The following PIKFYVE variants were observed in gnomAD, a reference collection of about 807,000 sequenced individuals.
PIKFYVE encodes the protein 1-phosphatidylinositol 3-phosphate 5-kinase.
Under a neutral mutation model 257.9 loss-of-function variants are expected in PIKFYVE, and 122 were observed. That is an observed-to-expected ratio of 0.47 (90% CI 0.41 to 0.55). The LOEUF (loss-of-function observed/expected upper bound fraction) is 0.55, where lower values mean the gene tolerates loss of function less well. Among genes scored for constraint, PIKFYVE ranks in the 20% least tolerant of loss-of-function variants. PIKFYVE has a pLI of 0.00. For missense variants in PIKFYVE, 2,160 were observed against 2,536.6 expected (o/e 0.85, Z 3.19); for synonymous variants, 892 against 868.9 (o/e 1.03, Z -0.47).
At chr2:208,354,874 C>G (rs1481246849) in intron 41 of PIKFYVE, among the ~76,000 whole-genome samples, 1 of 152,124 alleles carries the variant, frequency 6.6e-6, no homozygotes, top group East Asian at 1.9e-4. Context: ...TTTTAAAAAG[C>G]CAGATGTTCT....
In PIKFYVE at chr2:208,298,752, C is replaced by T; in HGVS notation, c.1023C>T (p.Thr341=). Residue 341 remains threonine (T), a synonymous_variant, in exon 8 of 42, where the codon ACC becomes ACT. Coordinates refer to ENST00000264380, the MANE Select transcript of PIKFYVE (RefSeq NM_015040.4). ...ACCGAACATATGTTAGGACAGAGAC[C>T]ACTGAGGATGAACGCAAAATTCTTC... ...QANRTYVRTE[T]TEDERKILLD... The T allele has an allele frequency of 6.2e-7, 1 of 1,614,128 alleles. No individual in the cohort carries two copies. Among genetic ancestry groups the T allele is most frequent in the Non-Finnish European group, 8.5e-7 (1 of 1,179,994 alleles).
Position 208,355,345 on chromosome 2 carries a change from G to C in PIKFYVE, c.*40G>C, listed in dbSNP as rs906683259. 1.2e-5 allele frequency: 19 copies of C among 1,524,022 alleles called. No homozygotes were observed. The highest frequency in any genetic ancestry group is 2.7e-5 in the African/African-American group (2 of 72,998). The allele number at this position is 1,524,022 out of a possible 1,614,324, so 94.4% of individuals were successfully genotyped here. A position where few individuals can be genotyped will look rare whatever the true frequency, so the allele number is the denominator to read the frequency against. On this transcript the variant is annotated 3_prime_UTR_variant, in exon 42 of 42. Transcript: ENST00000264380. ...TTTGAAATGGACTGTGAAGGAAAAG[G>C]GGACAGGAACAAAGGACCAAAAATA...
chr2:208,285,689 C>G, intron 5 of PIKFYVE, 37 bp from the exon 6 acceptor site: 2 of 1,565,488 alleles, frequency 1.3e-6, no homozygotes, highest in African/African-American at 2.7e-5. Context: ...TCTTTTCCTT[C>G]AATTTCCTTG....
chr2:208,344,387 T>G (rs1413497078), intron 32 of PIKFYVE, among the ~76,000 whole-genome samples: 1 of 152,092 alleles, frequency 6.6e-6, no homozygotes, highest in African/African-American at 2.4e-5. Context: ...TGAGGAATTT[T>G]TTTCCTTTAT....
chr2:208,268,604 A>G (rs1268127710), intron 1 of PIKFYVE, among the ~76,000 whole-genome samples: 1 of 150,616 alleles, frequency 6.6e-6, no homozygotes, highest in African/African-American at 2.4e-5. Flanking sequence ...TAAAAAAAAC[A>G]CAAACTTTTT....
At chr2:208,280,237 T>C (rs911025676) in intron 5 of PIKFYVE, among the ~76,000 whole-genome samples, 2 of 152,202 alleles carry the variant, frequency 1.3e-5, no homozygotes, top group African/African-American at 4.8e-5. Context: ...AATGTATGTC[T>C]CATAGTTCTG....
chr2:208,335,814 C>T lies in PIKFYVE; in HGVS notation c.4278C>T (p.Ala1426=). 1 of 1,612,042 alleles carries T rather than the reference C, an allele frequency of 6.2e-7. No homozygotes were observed. Among genetic ancestry groups the T allele is most frequent in the Non-Finnish European group, 8.5e-7 (1 of 1,178,596 alleles). ...TTAGAGTTTCACAGGTATATGTTGC[C>T]ATTGATGAAAGACTTGCATCTTTGA... The part of the protein sequence containing the change: ...FFQKVSQVYV[A]IDERLASLKT... Residue 1426 remains alanine, a synonymous_variant, in exon 26 of 42, where the codon GCC becomes GCT. Coordinates refer to ENST00000264380, the MANE Select transcript of PIKFYVE (RefSeq NM_015040.4).
intron 38 of PIKFYVE, 33 bp downstream of exon 38, chr2:208,351,488 G>A: frequency 6.5e-7 from 1 of 1,527,904 alleles, no homozygotes; most frequent in Non-Finnish European, 9.1e-7. Context: ...TGTAATCAAA[G>A]TTTGGTGGCT....
Position 208,357,097 on chromosome 2 carries a change from G to A in PIKFYVE, c.*1792G>A, listed in dbSNP as rs1009044466. 6.6e-6 allele frequency: 1 copy of A among 152,222 alleles called. No homozygotes were observed. The highest frequency in any genetic ancestry group is 2.4e-5 in the African/African-American group (1 of 41,456). The allele number at this position is 152,222 out of a possible 1,614,324, so 9.4% of individuals were successfully genotyped here. A position where few individuals can be genotyped will look rare whatever the true frequency, so the allele number is the denominator to read the frequency against. ...GTTCCACTTGGCCCCTTTTAAAAACGTGTATGTGCCTTTTGAAGATACACA... is the reference window on the plus strand; with the variant it reads ...GTTCCACTTGGCCCCTTTTAAAAACATGTATGTGCCTTTTGAAGATACACA... On this transcript the variant is annotated 3_prime_UTR_variant, in exon 42 of 42. Transcript: ENST00000264380.
intron 12 of PIKFYVE, among the ~76,000 whole-genome samples, chr2:208,307,876 T>C (rs1020712137): frequency 6.6e-6 from 1 of 152,198 alleles, no homozygotes; most frequent in Non-Finnish European, 1.5e-5. Flanking sequence ...TTGAAATATG[T>C]TAAAAGAGGC....
At chr2:208,335,044 G>A (rs1327250321) in intron 24 of PIKFYVE, among the ~76,000 whole-genome samples, 1 of 152,058 alleles carries the variant, frequency 6.6e-6, no homozygotes, top group Admixed American at 6.5e-5. Context: ...AATCGTTTTT[G>A]GTTTTACAGC....
rs573830600 is a variant in PIKFYVE, at chr2:208,357,371, G to A, written c.*2066G>A. On this transcript the variant is annotated 3_prime_UTR_variant, in exon 42 of 42. Transcript: ENST00000264380. The stretch of plus-strand genomic sequence containing the variant: ...TTGAAGTACAAGGTGTCTCCCCCTA[G>A]GTGCAATTAGGTTGTTTCTTTGTTT... The A allele has an allele frequency of 6.6e-6, 1 of 152,282 alleles. No individual in the cohort carries two copies. The highest frequency in any genetic ancestry group is 2.4e-5 in the African/African-American group (1 of 41,538). The allele number at this position is 152,282 out of a possible 1,614,324, so 9.4% of individuals were successfully genotyped here.
At chr2:208,313,901 G>A (rs1301973272) in intron 13 of PIKFYVE, among the ~76,000 whole-genome samples, 2 of 152,020 alleles carry the variant, frequency 1.3e-5, no homozygotes, top group East Asian at 3.9e-4. Flanking sequence ...GATTTTAAAG[G>A]GGAAATTAAC....
At chr2:208,304,039 ATTTG>A in intron 10 of PIKFYVE, 128 bp from the exon 11 acceptor site, 2 of 1,185,608 alleles carry the variant, frequency 1.7e-6, no homozygotes, top group South Asian at 1.3e-5. Context: ...GTTTTTGTTA[ATTTG>A]TTTATTTTTA....
At chr2:208,342,856 G>A (rs1422466159) in intron 32 of PIKFYVE, among the ~76,000 whole-genome samples, 3 of 145,350 alleles carry the variant, frequency 2.1e-5, no homozygotes, top group South Asian at 2.2e-4. Flanking sequence ...GTGCAGTGGT[G>A]CAATCTCGGC....
Position 208,341,289 on chromosome 2 carries a change from C to T in PIKFYVE, c.4931+1158C>T, listed in dbSNP as rs554707824. 3.6e-4 allele frequency among the ~76,000 whole-genome samples: 54 copies of T among 152,070 alleles called. No homozygotes were observed. The South Asian group carries it at 1.0e-2, about 28-fold the overall frequency. ...TCCCAAAGTACTGAGCTACTGGACC[C>T]GGCCCTTTAAACTTTTTTTTTTAAT... On this transcript the variant is annotated intron_variant, in intron 31 of 41. Transcript: ENST00000264380.
intron 7 of PIKFYVE, among the ~76,000 whole-genome samples, chr2:208,295,095 G>GT (rs1692800688): frequency 6.6e-6 from 1 of 152,206 alleles, no homozygotes; most frequent in Non-Finnish European, 1.5e-5. Context: ...TTCTGCTCCA[G>GT]TGAGTTGTGA....
chr2:208,273,485 T>C, intron 2 of PIKFYVE, 99 bp from the exon 3 acceptor site: 2 of 1,428,276 alleles, frequency 1.4e-6, no homozygotes, highest in Admixed American at 1.7e-5. Flanking sequence ...GTTACGCATA[T>C]AATACATGCA....
intron 12 of PIKFYVE, among the ~76,000 whole-genome samples, chr2:208,311,566 A>G (rs1226081337): frequency 6.6e-6 from 1 of 152,196 alleles, no homozygotes; most frequent in Non-Finnish European, 1.5e-5. Context: ...ACGGGGAAGT[A>G]AAGAGTAAGT....
Sources: allele counts gnomAD v4.1 joint callset (sites outside exome capture counted in the v4.1 genomes callset), GRCh38; gene constraint gnomAD v4.1.1; transcripts MANE v1.5; gene names NCBI Gene and HGNC (gene_info 2026-07-23, HGNC 2026-07-21).